Variants in FAT1 observed in about 807,000 individuals in gnomAD.
FAT1 encodes the protein protocadherin Fat 1.
Under a neutral mutation model 329.8 loss-of-function variants are expected in FAT1, and 171 were observed. That is an observed-to-expected ratio of 0.52 (90% CI 0.46 to 0.59). The LOEUF is 0.59. Ranked by LOEUF, FAT1 falls within the 20% of genes least tolerant of loss-of-function variation. FAT1 has a pLI of 0.00. For missense variants in FAT1, 5,672 were observed against 5,774.4 expected, an observed-to-expected ratio of 0.98 and a Z score of 0.57; for synonymous variants, 2,233 against 2,228.6, an observed-to-expected ratio of 1.00 and a Z score of -0.06.
Position 186,618,566 on chromosome 4 carries a change from T to G in FAT1, c.8020A>C (p.Arg2674=). 4 of 1,614,012 alleles carry G rather than the reference T, an allele frequency of 2.5e-6. No homozygotes were observed. Among genetic ancestry groups the G allele is most frequent in the Non-Finnish European group, 3.4e-6 (4 of 1,179,876 alleles). ...GATGGAGACCCATTATCCACAGCTC[T>G]AACAAAGAAAGTGAAGAATTCATTT... ...LENEFFTFFV[R]AVDNGSPSKE... Residue 2674 remains arginine, a synonymous_variant, in exon 10 of 27, where the codon AGA becomes CGA. Coordinates refer to ENST00000441802, the MANE Select transcript of FAT1 (RefSeq NM_005245.4).
At position 186,707,606 on chromosome 4, in the gene FAT1, G is replaced by C. The variant is rs1744697995; in HGVS notation, c.2222C>G (p.Ser741Cys). The change falls in exon 2 of 27, where the codon TCC becomes TGC. Residue 741 changes from serine (S) to cysteine (C), a missense_variant. Ser to Cys is a moderately radical substitution (Grantham distance 112, BLOSUM62 -1). Transcript: ENST00000441802. ...PVGSSVIFMNSTDLDTGFNGK... is the reference protein window; with the variant it reads ...PVGSSVIFMNCTDLDTGFNGK... ...ATTGAAGCCAGTGTCAAGGTCAGTGGAGTTCATGAAAATTACACTGGAACC... is the reference window on the plus strand; with the variant it reads ...ATTGAAGCCAGTGTCAAGGTCAGTGCAGTTCATGAAAATTACACTGGAACC... 1 of 1,613,862 alleles carries C rather than the reference G, an allele frequency of 6.2e-7. No homozygotes were observed. The highest frequency in any genetic ancestry group is 1.1e-5 in the South Asian group (1 of 91,078).
rs1231723257 is a variant in FAT1, at chr4:186,588,257, CA to C, written c.*334del. ...AAATCAAATCTGTACATAAAATTTACAAAAAAAAGAGACAGGAAAATTAAAA... is the reference window on the plus strand; with the variant it reads ...AAATCAAATCTGTACATAAAATTTACAAAAAAAGAGACAGGAAAATTAAAA... On this transcript the variant is annotated 3_prime_UTR_variant, in exon 27 of 27. Coordinates refer to ENST00000441802, the MANE Select transcript of FAT1 (RefSeq NM_005245.4). 18 of 266,418 alleles carry C rather than the reference CA, an allele frequency of 6.8e-5. No individual in the cohort carries two copies. The highest frequency in any genetic ancestry group is 1.1e-3 in the Middle Eastern group (1 of 918). 16.5% of individuals were successfully genotyped at this position (266,418 alleles called of 1,614,324 possible). A position where few individuals can be genotyped will look rare whatever the true frequency, so the allele number is the denominator to read the frequency against.
intron 1 of FAT1, among the ~76,000 whole-genome samples, chr4:186,720,870 A>G (rs1745442603): frequency 6.6e-6 from 1 of 152,248 alleles, no homozygotes; most frequent in African/African-American, 2.4e-5. Context: ...GGGATAACAT[A>G]GGAAAATAAA....
Position 186,588,732 on chromosome 4 carries a change from T to C in FAT1, c.13627A>G (p.Thr4543Ala). ...ESMPMSVYAS[T>A]ASCSDVSACC... ...GCTGACACGTCAGAGCAGGAGGCGG[T>C]GGAGGCGTACACAGACATGGGCATG... Residue 4543 changes from threonine to alanine, a missense_variant, in exon 27 of 27, where the codon ACC becomes GCC. Physicochemically the swap from Thr to Ala is moderately conservative, Grantham distance 58. Coordinates refer to ENST00000441802, the MANE Select transcript of FAT1 (RefSeq NM_005245.4). The C allele has an allele frequency of 6.2e-7, 1 of 1,613,918 alleles. No individual in the cohort carries two copies. Among genetic ancestry groups the C allele is most frequent in the East Asian group, 2.2e-5 (1 of 44,866 alleles).
At chr4:186,722,820 CTT>C (rs1273738833) in intron 1 of FAT1, among the ~76,000 whole-genome samples, 1 of 151,924 alleles carries the variant, frequency 6.6e-6, no homozygotes, top group Non-Finnish European at 1.5e-5. Flanking sequence ...TTAATATCCA[CTT>C]TTAAAAAATC....
intron 1 of FAT1, among the ~76,000 whole-genome samples, chr4:186,711,873 T>C (rs550362846): frequency 1.6e-4 from 25 of 152,268 alleles, no homozygotes; most frequent in African/African-American, 6.0e-4. Flanking sequence ...TGAGCCGAGA[T>C]CGCGCCACTG....
chr4:186,620,965 T>C lies in FAT1; in HGVS notation c.5621A>G (p.Asp1874Gly), dbSNP rs376874825. The C allele has an allele frequency of 1.9e-6, 3 of 1,613,714 alleles. No homozygotes were observed. The highest frequency in any genetic ancestry group is 2.5e-6 in the Non-Finnish European group (3 of 1,179,884). The change falls in exon 10 of 27, where the codon GAC becomes GGC. Residue 1874 changes from aspartate to glycine, a missense_variant. This residue lies in a region of FAT1 where 3,966 missense variants were observed against 3,915.2 expected (regional missense o/e 1.01). Transcript: ENST00000441802. ...NVTVHVIDINDCPPVFAKPLY... is the reference protein window; with the variant it reads ...NVTVHVIDINGCPPVFAKPLY... ...TGGCTTGGCAAACACAGGGGGGCAG[T>C]CATTAATGTCAATTACATGTACTGT...
chr4:186,605,470 AG>A (rs1477463503), intron 17 of FAT1, among the ~76,000 whole-genome samples: 1 of 115,316 alleles, frequency 8.7e-6, no homozygotes, highest in African/African-American at 3.4e-5. Context: ...AGTGGGGAGG[AG>A]GAAGAGGAGG....
At chr4:186,640,839 T>C (rs1381106872) in intron 3 of FAT1, among the ~76,000 whole-genome samples, 1 of 152,162 alleles carries the variant, frequency 6.6e-6, no homozygotes, top group Non-Finnish European at 1.5e-5. Flanking sequence ...TAAAATGTCG[T>C]CCCCAATCTG....
In FAT1 at chr4:186,708,033, G is replaced by T. The variant is rs774529773; in HGVS notation, c.1795C>A (p.Leu599Ile). The T allele has an allele frequency of 1.9e-6, 3 of 1,613,946 alleles. No individual in the cohort carries two copies. Among genetic ancestry groups the T allele is most frequent in the Non-Finnish European group, 2.5e-6 (3 of 1,179,904 alleles). Residue 599 changes from leucine to isoleucine, a missense_variant, in exon 2 of 27, where the codon CTT (leucine) becomes ATT (isoleucine). Leu to Ile is a conservative substitution (Grantham distance 5). Coordinates refer to ENST00000441802, the MANE Select transcript of FAT1 (RefSeq NM_005245.4). ...TTVSAIDADE[L>I]QLVQYQIEAG... ...TCAATCTGATACTGTACCAACTGAA[G>T]TTCATCTGCATCAATAGCAGAAACA...
intron 22 of FAT1, among the ~76,000 whole-genome samples, chr4:186,599,343 G>T (rs1738682214): frequency 6.6e-6 from 1 of 152,066 alleles, no homozygotes; most frequent in Non-Finnish European, 1.5e-5. Context: ...TTTCCTAACT[G>T]TACCCTATTA....
rs753540274 is a variant in FAT1 at position 186,589,105 on chromosome 4, G to C, written c.13254C>G (p.Asn4418Lys). The part of the protein sequence containing the change: ...EQTPLYSADP[N>K]AIDTDYYPGG... ...CAGGGTAATAGTCCGTATCGATGGC[G>C]TTTGGATCTGCTGAGTACAGGGGTG... The change falls in exon 27 of 27, where the codon AAC becomes AAG. Residue 4418 changes from asparagine to lysine, a missense_variant. Around this residue, in one of 2 missense-constraint regions of FAT1, gnomAD observed 1,706 missense variants for 1,859.1 expected, o/e 0.92. Transcript: ENST00000441802. 6.2e-7 allele frequency: 1 copy of C among 1,613,802 alleles called. No homozygotes were observed. Among genetic ancestry groups the C allele is most frequent in the African/African-American group, 1.3e-5 (1 of 74,884 alleles).
intron 22 of FAT1, chr4:186,598,494 A>C (rs2126405080): frequency 6.1e-6 from 1 of 164,194 alleles, no homozygotes; most frequent in South Asian, 2.0e-4. Flanking sequence ...GAAAATAATG[A>C]ATGTGAAAAG....
At chr4:186,602,765 C>A in intron 20 of FAT1, 138 bp downstream of exon 20, 1 of 985,546 alleles carries the variant, frequency 1.0e-6, no homozygotes. Flanking sequence ...TACTGTCATT[C>A]TTTATTCATC....
intron 9 of FAT1, among the ~76,000 whole-genome samples, chr4:186,623,773 G>A (rs758118047): frequency 6.6e-6 from 1 of 152,110 alleles, no homozygotes; most frequent in African/African-American, 2.4e-5. Context: ...GTCTCCTCCC[G>A]CTATTCTTAC....
upstream of FAT1, among the ~76,000 whole-genome samples, chr4:186,724,151 TCCCTGCCAAG>T (rs1442925755): frequency 2.7e-5 from 3 of 111,524 alleles, no homozygotes; most frequent in East Asian, 9.0e-4. The surrounding 1 kb of genome is among the most constrained non-coding windows in gnomAD (Gnocchi z 5.3). Flanking sequence ...TGGGGAAAGC[TCCCTGCCAAG>T]AAAGGGAAAC....
At chr4:186,650,790 T>C (rs1741602834) in intron 3 of FAT1, among the ~76,000 whole-genome samples, 1 of 152,198 alleles carries the variant, frequency 6.6e-6, no homozygotes, top group African/African-American at 2.4e-5. Flanking sequence ...TTTAGAACTT[T>C]ACAGGACATG....
At chr4:186,602,730 T>A (rs1158615081) in intron 20 of FAT1, among the ~76,000 whole-genome samples, 173 bp downstream of exon 20, 1 of 152,210 alleles carries the variant, frequency 6.6e-6, no homozygotes, top group Non-Finnish European at 1.5e-5. Flanking sequence ...AGGGGTGTGC[T>A]GTAACAAGAG....
intron 2 of FAT1, among the ~76,000 whole-genome samples, chr4:186,664,248 G>A (rs1259097339): frequency 6.6e-6 from 1 of 152,174 alleles, no homozygotes; most frequent in Non-Finnish European, 1.5e-5. Context: ...ATAAGGGGCT[G>A]CTCAGATCTC....
Sources: gnomAD v4.1 joint callset for allele counts (sites outside exome capture counted in the v4.1 genomes callset) on GRCh38, gnomAD v4.1.1 for gene constraint, gnomAD v4.1.1 regional missense constraint, Gnocchi (gnomAD v3.1) non-coding constraint, MANE v1.5 for transcripts, NCBI Gene and HGNC (gene_info 2026-07-23, HGNC 2026-07-21) for gene names.